The following SPATS2L variants were observed in gnomAD, a reference collection of about 807,000 sequenced individuals.
SPATS2L encodes the protein spermatogenesis associated serine rich 2 like, also known as SPATS2-like protein.
In SPATS2L, 30 loss-of-function variants were observed where a neutral mutation model predicts 59.6. That is an observed-to-expected ratio of 0.50 (90% confidence interval 0.38 to 0.68). The LOEUF is 0.68. Ranked by LOEUF, SPATS2L falls within the 30% of genes least tolerant of loss-of-function variation. The probability of loss-of-function intolerance (pLI) is 0.00; values close to 1 mark genes in which losing one functional copy is unlikely to be tolerated. For missense variants in SPATS2L, 615 were observed against 700.0 expected (o/e 0.88, Z 1.37); for synonymous variants, 252 against 263.5 (o/e 0.96, Z 0.42).
chr2:200,463,928 C>A (rs2086412648), intron 9 of SPATS2L, among the ~76,000 whole-genome samples: 1 of 152,168 alleles, frequency 6.6e-6, no homozygotes, highest in Admixed American at 6.5e-5. Context: ...TTCAGATTTT[C>A]TATGGTTCAG....
At chr2:200,474,335 A>G (rs1440165834) in intron 12 of SPATS2L, among the ~76,000 whole-genome samples, 1 of 151,642 alleles carries the variant, frequency 6.6e-6, no homozygotes, top group Non-Finnish European at 1.5e-5. Context: ...ATATCTTCAC[A>G]GTTTTTGTTC....
At position 200,477,742 on chromosome 2, in the gene SPATS2L, G is replaced by C. The variant is rs1225722106; in HGVS notation, c.1388G>C (p.Gly463Ala). ...AGTGGGAATGAAGCCGAGCCACTGG[G>C]AAAGGGCAACAGCCGCCACGAACAC... ...QGSGNEAEPLGKGNSRHEHRR... is the reference protein window; with the variant it reads ...QGSGNEAEPLAKGNSRHEHRR... The change falls in exon 13 of 13, where the codon GGA becomes GCA. Residue 463 changes from glycine (G) to alanine (A), a missense_variant. Coordinates refer to ENST00000409140, the MANE Select transcript of SPATS2L (RefSeq NM_001100423.2). 6.3e-7 allele frequency: 1 copy of C among 1,577,528 alleles called. No homozygotes were observed. The highest frequency in any genetic ancestry group is 8.6e-7 in the Non-Finnish European group (1 of 1,161,798).
At chr2:200,378,899 T>C (rs2081696990) in intron 2 of SPATS2L, among the ~76,000 whole-genome samples, 1 of 152,170 alleles carries the variant, frequency 6.6e-6, no homozygotes, top group African/African-American at 2.4e-5. Context: ...GTTGTCCTTA[T>C]AAAGATCCCA....
In SPATS2L at chr2:200,479,636, T is replaced by C. The variant is rs1019438174; in HGVS notation, c.*1605T>C. 1 of 398,498 alleles carries C rather than the reference T, an allele frequency of 2.5e-6. No individual in the cohort carries two copies. The highest frequency in any genetic ancestry group is 2.1e-5 in the African/African-American group (1 of 48,626). 24.7% of individuals were successfully genotyped at this position (398,498 alleles called of 1,614,324 possible). ...AACTTTGACTACAGGGCAGTCCAGT[T>C]TGGGTGCCGCTTCCGTTGCACTCAC... On this transcript the variant is annotated 3_prime_UTR_variant, in exon 13 of 13. Coordinates refer to ENST00000409140, the MANE Select transcript of SPATS2L (RefSeq NM_001100423.2).
At chr2:200,306,594 T>C (rs548877724), upstream of SPATS2L, 728 of 995,132 alleles carry the variant, frequency 7.3e-4, 6 homozygotes, top group African/African-American at 0.012. Context: ...CTGGGGTGTG[T>C]GCTCCTGGTG....
In SPATS2L at chr2:200,479,081, T is replaced by G. The variant is rs895829994; in HGVS notation, c.*1050T>G. ...CCACGCCCTGCTAATTTTTATATTA[T>G]TAGTACAGACAGGATTTCACCATGT... On this transcript the variant is annotated 3_prime_UTR_variant, in exon 13 of 13. Coordinates refer to ENST00000409140, the MANE Select transcript of SPATS2L (RefSeq NM_001100423.2). 6.6e-6 allele frequency: 1 copy of G among 152,418 alleles called. No homozygotes were observed. Among genetic ancestry groups the G allele is most frequent in the African/African-American group, 2.4e-5 (1 of 41,436 alleles). 9.4% of individuals were successfully genotyped at this position (152,418 alleles called of 1,614,324 possible). A position where few individuals can be genotyped will look rare whatever the true frequency, so the allele number is the denominator to read the frequency against.
chr2:200,383,723 C>A (rs1403889633), intron 2 of SPATS2L: 1 of 184,502 alleles, frequency 5.4e-6, no homozygotes, highest in Non-Finnish European at 1.1e-5. Context: ...TTATGAAATA[C>A]CCTATTAACG....
chr2:200,330,867 CAT>C (rs1288404123), intron 2 of SPATS2L, among the ~76,000 whole-genome samples: 1 of 152,218 alleles, frequency 6.6e-6, no homozygotes, highest in African/African-American at 2.4e-5. Flanking sequence ...TTACTCTAAT[CAT>C]GTGTTGGAAC....
Position 200,307,824 on chromosome 2 carries a change from T to G in SPATS2L, c.-73+902T>G, listed in dbSNP as rs183028288. Among the ~76,000 whole-genome samples, 51 of 152,374 alleles carry G rather than the reference T, an allele frequency of 3.3e-4. No homozygotes were observed. The East Asian group carries it at 6.9e-3, about 21-fold the overall frequency. ...TTCTCATCCCCCCCGCAATCCTGGT[T>G]TTAGCAGATGTCGGGGTTTTGGAGA... On this transcript the variant is annotated intron_variant, in intron 1 of 12. Coordinates refer to ENST00000409140, the MANE Select transcript of SPATS2L (RefSeq NM_001100423.2).
intron 8 of SPATS2L, among the ~76,000 whole-genome samples, chr2:200,457,610 G>A (rs770076560): frequency 2.6e-5 from 4 of 152,234 alleles, no homozygotes; most frequent in South Asian, 4.1e-4. Flanking sequence ...TCCAGTGACC[G>A]TAAGCCATGT....
chr2:200,463,727 T>C (rs991492998), intron 9 of SPATS2L, among the ~76,000 whole-genome samples: 1 of 152,242 alleles, frequency 6.6e-6, no homozygotes, highest in Admixed American at 6.5e-5. Flanking sequence ...AAGAAAACAT[T>C]ACTTTGTAAA....
At chr2:200,352,545 C>G (rs1028896116) in intron 2 of SPATS2L, among the ~76,000 whole-genome samples, 11 of 151,640 alleles carry the variant, frequency 7.3e-5, no homozygotes, top group African/African-American at 2.7e-4. Context: ...ACCCTTAGCT[C>G]TAGAATAGCT....
rs1316598592 is a variant in SPATS2L, at chr2:200,416,422, AAAG to A, written c.196_198del (p.Lys66del). ...TAAAAGAATGGAATATGACAGGAAA[AAAG>A]AAGGTAAGATTAATATTGATTGTAA... On this transcript the variant is annotated inframe_deletion, in exon 5 of 13. Transcript: ENST00000409140. The A allele has an allele frequency of 2.7e-5, 39 of 1,468,076 alleles. No homozygotes were observed. The highest frequency in any genetic ancestry group is 3.2e-5 in the Non-Finnish European group (35 of 1,084,210). The allele number at this position is 1,468,076 out of a possible 1,614,324, so 90.9% of individuals were successfully genotyped here. A position where few individuals can be genotyped will look rare whatever the true frequency, so the allele number is the denominator to read the frequency against.
At chr2:200,419,227 T>G in intron 5 of SPATS2L, 23 bp from the exon 6 acceptor site, 1 of 1,545,044 alleles carries the variant, frequency 6.5e-7, no homozygotes. Flanking sequence ...GAATATTATG[T>G]TCTCATTTGT....
intron 3 of SPATS2L, among the ~76,000 whole-genome samples, chr2:200,411,569 T>C (rs2082879585): frequency 6.6e-6 from 1 of 152,214 alleles, no homozygotes; most frequent in Non-Finnish European, 1.5e-5. Flanking sequence ...TCTGTAGTTA[T>C]TGCAAGTACT....
chr2:200,451,806 C>T (rs1010105873), intron 8 of SPATS2L, among the ~76,000 whole-genome samples: 3 of 151,114 alleles, frequency 2.0e-5, no homozygotes, highest in Non-Finnish European at 4.4e-5. Context: ...AATGCCCTTC[C>T]CCTTGCCCCC....
intron 5 of SPATS2L, among the ~76,000 whole-genome samples, chr2:200,416,689 A>G (rs965481713): frequency 6.6e-6 from 1 of 152,208 alleles, no homozygotes; most frequent in African/African-American, 2.4e-5. Flanking sequence ...TTTTAAGTAT[A>G]AAGGGGAGCC....
chr2:200,469,383 C>T (rs1646705863), intron 10 of SPATS2L, among the ~76,000 whole-genome samples: 1 of 152,206 alleles, frequency 6.6e-6, no homozygotes, highest in African/African-American at 2.4e-5. Context: ...ACACACAGAT[C>T]TTAATTTTAA....
intron 8 of SPATS2L, among the ~76,000 whole-genome samples, chr2:200,446,177 A>G (rs2085032108): frequency 6.6e-6 from 1 of 152,054 alleles, no homozygotes; most frequent in African/African-American, 2.4e-5. Context: ...CATCTCTACA[A>G]TTTTTTGATT....
Sources: gnomAD v4.1 joint callset for allele counts (sites outside exome capture counted in the v4.1 genomes callset) on GRCh38, gnomAD v4.1.1 for gene constraint, MANE v1.5 for transcripts, NCBI Gene and HGNC (gene_info 2026-07-23, HGNC 2026-07-21) for gene names.